Variants in TMEM39B observed in about 807,000 individuals in gnomAD.
TMEM39B encodes the protein transmembrane protein 39B.
TMEM39B carries 23 observed loss-of-function variants against 52.2 expected under a neutral mutation model. The ratio of observed to expected loss-of-function variants is 0.44; its 90% CI spans 0.32 to 0.62. The LOEUF (loss-of-function observed/expected upper bound fraction) is 0.62, where lower values mean the gene tolerates loss of function less well. Among genes scored for constraint, TMEM39B ranks in the 20% least tolerant of loss-of-function variants. The probability of loss-of-function intolerance (pLI) is 0.06; values close to 1 mark genes in which losing one functional copy is unlikely to be tolerated. For synonymous variants in TMEM39B, 285 were observed against 264.0 expected (o/e 1.08, Z -0.77); for missense variants, 547 against 642.0 (o/e 0.85, Z 1.60).
In TMEM39B at chr1:32,079,050, G is replaced by A. The variant is rs188610168; in HGVS notation, c.590+1732G>A. Among the ~76,000 whole-genome samples the A allele has an allele frequency of 1.6e-4, 24 of 151,614 alleles. No individual in the cohort carries two copies. The South Asian group carries it at 1.7e-3, about 11-fold the overall frequency. ...GATATTTTTCTATGCCAATACATAC[G>A]GGTCTGTCTCATTATTTTATTTTAT... On this transcript the variant is annotated intron_variant, in intron 5 of 8. Coordinates refer to ENST00000336294, the MANE Select transcript of TMEM39B (RefSeq NM_018056.4).
At chr1:32,098,262 C>T (rs1442694887) in intron 7 of TMEM39B, among the ~76,000 whole-genome samples, 1 of 151,956 alleles carries the variant, frequency 6.6e-6, no homozygotes. Flanking sequence ...TCGGCCTCCC[C>T]AAAGTGCTGG....
chr1:32,089,131 ATTTTTT>A (rs746806785), intron 5 of TMEM39B, among the ~76,000 whole-genome samples: 1 of 130,206 alleles, frequency 7.7e-6, no homozygotes, highest in South Asian at 2.5e-4. Flanking sequence ...AGAGCTGGGA[ATTTTTT>A]TTTTTTTTTT....
At chr1:32,082,787 T>A (rs2124449347) in intron 5 of TMEM39B, among the ~76,000 whole-genome samples, 1 of 151,284 alleles carries the variant, frequency 6.6e-6, no homozygotes, top group South Asian at 2.1e-4. Context: ...TTTTTTGTTT[T>A]TTTTTGAGAC....
At chr1:32,080,158 G>T (rs1640034633) in intron 5 of TMEM39B, among the ~76,000 whole-genome samples, 1 of 151,960 alleles carries the variant, frequency 6.6e-6, no homozygotes, top group Non-Finnish European at 1.5e-5. Context: ...AAAGTGCTGT[G>T]ATTACAGGCG....
intron 8 of TMEM39B, 37 bp from the exon 9 acceptor site, chr1:32,102,394 G>C: frequency 6.3e-7 from 1 of 1,590,870 alleles, no homozygotes; most frequent in African/African-American, 1.3e-5. Context: ...GATTTCTGGA[G>C]CACACCTTTT....
chr1:32,075,601 A>G lies in TMEM39B; in HGVS notation c.132-2A>G. 4 of 1,549,478 alleles carry G rather than the reference A, an allele frequency of 2.6e-6. No individual in the cohort carries two copies. The highest frequency in any genetic ancestry group is 3.5e-6 in the Non-Finnish European group (4 of 1,145,802). Reference sequence around the variant, plus strand: ...CTGATGTTGTTCCCTCCCCACTGTCAGGAGCAGTTCTGGAACAGGCCTCTC... The same window carrying G: ...CTGATGTTGTTCCCTCCCCACTGTCGGGAGCAGTTCTGGAACAGGCCTCTC... On this transcript the variant is annotated splice_acceptor_variant, in intron 2 of 8. Coordinates refer to ENST00000336294, the MANE Select transcript of TMEM39B (RefSeq NM_018056.4). LOFTEE classifies it high-confidence loss of function.
rs1639895034 is a variant in TMEM39B, at chr1:32,077,109, A to C, written c.436-55A>C. On this transcript the variant is annotated intron_variant, in intron 4 of 8. Transcript: ENST00000336294. ...GTCATGCTGGGTGGGATTTGGGCAC[A>C]GCCCCTTCGGCCTCCATCCAAGGCC... 2.5e-5 allele frequency: 40 copies of C among 1,600,690 alleles called. 1 individual carries two copies. In the South Asian group the frequency reaches 4.3e-4, roughly 17 times the overall value.
Position 32,102,424 on chromosome 1 carries a change from C to T in TMEM39B, c.1237-7C>T, listed in dbSNP as rs751702632. On this transcript the variant is annotated splice_polypyrimidine_tract_variant and splice_region_variant and intron_variant, in intron 8 of 8. Transcript: ENST00000336294. ...CCTTTTAGCCATGCCCACCCGCTTC[C>T]GGGCAGTTCTTTTTCAGCAAACCCC... 1.2e-5 allele frequency: 19 copies of T among 1,612,516 alleles called. No homozygotes were observed. The highest frequency in any genetic ancestry group is 1.6e-4 in the Middle Eastern group (1 of 6,068).
intron 5 of TMEM39B, among the ~76,000 whole-genome samples, chr1:32,086,559 G>T (rs535743996): frequency 6.6e-6 from 1 of 152,272 alleles, no homozygotes; most frequent in East Asian, 1.9e-4. Context: ...TTGAGCTCAG[G>T]AGTTTGAGAC....
Position 32,075,597 on chromosome 1 carries a change from T to C in TMEM39B, c.132-6T>C. On this transcript the variant is annotated splice_polypyrimidine_tract_variant and splice_region_variant and intron_variant, in intron 2 of 8. Coordinates refer to ENST00000336294, the MANE Select transcript of TMEM39B (RefSeq NM_018056.4). ...GCTGCTGATGTTGTTCCCTCCCCAC[T>C]GTCAGGAGCAGTTCTGGAACAGGCC... The C allele has an allele frequency of 6.5e-7, 1 of 1,545,136 alleles. No individual in the cohort carries two copies. Among genetic ancestry groups the C allele is most frequent in the African/African-American group, 1.4e-5 (1 of 73,032 alleles).
intron 5 of TMEM39B, among the ~76,000 whole-genome samples, chr1:32,080,842 A>G (rs967130114): frequency 6.6e-5 from 10 of 151,990 alleles, no homozygotes; most frequent in Non-Finnish European, 1.3e-4. Context: ...ATTGTAAAAA[A>G]TTAAATCCAA....
chr1:32,091,793 G>T lies in TMEM39B; in HGVS notation c.709G>T (p.Asp237Tyr). 6.2e-7 allele frequency: 1 copy of T among 1,614,218 alleles called. No homozygotes were observed. The highest frequency in any genetic ancestry group is 1.1e-5 in the South Asian group (1 of 91,084). ...EAVSGLAKSR[D>Y]YLLTLRETWK... ...GGTCAGTGGCCTGGCAAAGAGCCGG[G>T]ACTACCTCCTGACACTGCGGGAGAC... The change falls in exon 6 of 9, where the codon GAC (aspartate) becomes TAC (tyrosine). Residue 237 changes from aspartate (D) to tyrosine (Y), a missense_variant. Transcript: ENST00000336294.
At chr1:32,089,814 G>C (rs1640528605) in intron 5 of TMEM39B, among the ~76,000 whole-genome samples, 2 of 151,670 alleles carry the variant, frequency 1.3e-5, no homozygotes, top group East Asian at 1.9e-4. Flanking sequence ...GAGGCGGGTG[G>C]AGGTCAGGAG....
rs562744909 is a variant in TMEM39B, at chr1:32,094,656, T to C, written c.928-128T>C. On this transcript the variant is annotated intron_variant, in intron 6 of 8. Coordinates refer to ENST00000336294, the MANE Select transcript of TMEM39B (RefSeq NM_018056.4). ...GCCTTGTTTGTTGGGTGTTTGATTCTTGGTTTCAGGCTATTCTGAGGTCTC... is the reference window on the plus strand; with the variant it reads ...GCCTTGTTTGTTGGGTGTTTGATTCCTGGTTTCAGGCTATTCTGAGGTCTC... The C allele has an allele frequency of 1.9e-5, 20 of 1,042,222 alleles. No individual in the cohort carries two copies. In the South Asian group the frequency reaches 2.9e-4, roughly 15 times the overall value. 64.6% of individuals were successfully genotyped at this position (1,042,222 alleles called of 1,614,324 possible). A position where few individuals can be genotyped will look rare whatever the true frequency, so the allele number is the denominator to read the frequency against.
At position 32,076,585 on chromosome 1, in the gene TMEM39B, C is replaced by T. The variant is rs578014316; in HGVS notation, c.352-178C>T. On this transcript the variant is annotated intron_variant, in intron 3 of 8. Coordinates refer to ENST00000336294, the MANE Select transcript of TMEM39B (RefSeq NM_018056.4). ...CCAGGGACTGTCCCACTTCCCTTCTCGGGGTCCTGTCCTACTCCTGTAGGT... is the reference window on the plus strand; with the variant it reads ...CCAGGGACTGTCCCACTTCCCTTCTTGGGGTCCTGTCCTACTCCTGTAGGT... 7.0e-5 allele frequency: 50 copies of T among 713,348 alleles called. No individual in the cohort carries two copies. In the Middle Eastern group the frequency reaches 1.1e-3, roughly 15 times the overall value. The allele number at this position is 713,348 out of a possible 1,614,324, so 44.2% of individuals were successfully genotyped here. A position where few individuals can be genotyped will look rare whatever the true frequency, so the allele number is the denominator to read the frequency against.
intron 4 of TMEM39B, 129 bp downstream of exon 4, chr1:32,076,975 A>T (rs1639889751): frequency 2.3e-6 from 3 of 1,288,764 alleles, no homozygotes; most frequent in Non-Finnish European, 1.1e-6. Flanking sequence ...TTGGTTGAAG[A>T]ACATTAGTTA....
chr1:32,074,903 G>T, intron 1 of TMEM39B, 48 bp from the exon 2 acceptor site: 1 of 1,519,570 alleles, frequency 6.6e-7, no homozygotes, highest in South Asian at 1.2e-5. Flanking sequence ...TGTTATCCTT[G>T]ATATATGCCC....
chr1:32,094,020 G>A (rs1377461625), intron 6 of TMEM39B, among the ~76,000 whole-genome samples: 22 of 140,870 alleles, frequency 1.6e-4, no homozygotes, highest in African/African-American at 3.7e-4. Context: ...GGGTTTCACC[G>A]TGTTAGCCAG....
At chr1:32,082,010 C>T (rs769041630) in intron 5 of TMEM39B, among the ~76,000 whole-genome samples, 2 of 152,086 alleles carry the variant, frequency 1.3e-5, no homozygotes, top group African/African-American at 2.4e-5. Flanking sequence ...GATGATTTAG[C>T]TCACGATCCC....
Sources: gnomAD v4.1 joint callset for allele counts (sites outside exome capture counted in the v4.1 genomes callset) on GRCh38, gnomAD v4.1.1 for gene constraint, MANE v1.5 for transcripts, NCBI Gene and HGNC (gene_info 2026-07-23, HGNC 2026-07-21) for gene names.